Variants in FOXP2 observed in about 807,000 individuals in gnomAD.
The protein encoded by FOXP2 is forkhead box protein P2.
FOXP2 carries 12 observed loss-of-function variants against 115.8 expected under a neutral mutation model. That is an observed-to-expected ratio of 0.10 (90% confidence interval 0.07 to 0.17). The LOEUF is 0.17. Among genes scored for constraint, FOXP2 ranks in the 10% least tolerant of loss-of-function variants. FOXP2 has a pLI of 1.00. For missense variants in FOXP2, 629 were observed against 843.5 expected (o/e 0.75, Z 3.15); for synonymous variants, 328 against 297.7 (o/e 1.10, Z -1.05).
At chr7:114,463,003 T>C in intron 2 of FOXP2, 1 of 397,736 alleles carries the variant, frequency 2.5e-6, no homozygotes, top group Middle Eastern at 8.3e-4. Context: ...AGATGCAGTA[T>C]ATGCATTGTT....
At chr7:114,186,056 A>G (rs1042224205) in intron 1 of FOXP2, among the ~76,000 whole-genome samples, 1 of 151,902 alleles carries the variant, frequency 6.6e-6, no homozygotes, top group East Asian at 2.0e-4. Context: ...TGAGGGTGTA[A>G]CCCTCATGGC....
chr7:114,563,882 C>T (rs1485827754), intron 3 of FOXP2, among the ~76,000 whole-genome samples: 1 of 152,080 alleles, frequency 6.6e-6, no homozygotes, highest in Non-Finnish European at 1.5e-5. Context: ...CCTTTACTCT[C>T]TCACTCAGGT....
Position 114,690,444 on chromosome 7 carries a change from G to T in FOXP2, c.*518G>T, listed in dbSNP as rs1178466400. 4 of 453,748 alleles carry T rather than the reference G, an allele frequency of 8.8e-6. No homozygotes were observed. Among genetic ancestry groups the T allele is most frequent in the African/African-American group, 2.0e-5 (1 of 49,976 alleles). 28.1% of individuals were successfully genotyped at this position (453,748 alleles called of 1,614,324 possible). A position where few individuals can be genotyped will look rare whatever the true frequency, so the allele number is the denominator to read the frequency against. On this transcript the variant is annotated 3_prime_UTR_variant, in exon 17 of 17. Transcript: ENST00000350908. ...AGTAGTATCAGAAATTAGTGTCACT[G>T]CTTGTATCTAGCTGAATTTTAAACA... is the stretch of plus-strand genomic sequence containing the variant.
rs1370749002 is a variant in FOXP2, at chr7:114,692,834, T to TAA, written c.*2908_*2909insAA. On this transcript the variant is annotated 3_prime_UTR_variant, in exon 17 of 17. Transcript: ENST00000350908. ...TGGAATATACCTGTTTTATTTATCT[T>TAA]TTTTGAGGTAAACTAATTTTTGATA... 4.7e-5 allele frequency: 21 copies of TAA among 450,468 alleles called. No individual in the cohort carries two copies. Among genetic ancestry groups the TAA allele is most frequent in the African/African-American group, 4.0e-4 (20 of 49,774 alleles). The allele number at this position is 450,468 out of a possible 1,614,324, so 27.9% of individuals were successfully genotyped here. A position where few individuals can be genotyped will look rare whatever the true frequency, so the allele number is the denominator to read the frequency against.
At chr7:114,088,919 G>A (rs1215113514) in intron 1 of FOXP2, among the ~76,000 whole-genome samples, 5 of 152,144 alleles carry the variant, frequency 3.3e-5, no homozygotes, top group African/African-American at 1.2e-4. Context: ...TTTCATATCA[G>A]TTTTAGAGCT....
intron 3 of FOXP2, among the ~76,000 whole-genome samples, chr7:114,554,565 A>C (rs1800367260): frequency 1.3e-5 from 2 of 152,088 alleles, no homozygotes; most frequent in Non-Finnish European, 2.9e-5. Flanking sequence ...GTATGTGTAT[A>C]ATCATTATGA....
upstream of FOXP2, among the ~76,000 whole-genome samples, chr7:114,087,056 C>T (rs1254115173): frequency 2.0e-5 from 3 of 152,108 alleles, no homozygotes; most frequent in African/African-American, 7.2e-5. Context: ...CTCCCCGCAC[C>T]CCCACCCCCA....
intron 16 of FOXP2, among the ~76,000 whole-genome samples, chr7:114,689,109 CG>C (rs1471824435): frequency 6.6e-6 from 1 of 151,990 alleles, no homozygotes. Flanking sequence ...TCAGCATATA[CG>C]TTGTTTAAGT....
At chr7:114,228,257 A>G (rs566869594) in intron 1 of FOXP2, among the ~76,000 whole-genome samples, 20 of 152,092 alleles carry the variant, frequency 1.3e-4, no homozygotes, top group Middle Eastern at 6.8e-3. Context: ...CCTACTAGGA[A>G]TTTTTTGTGT....
intron 10 of FOXP2, chr7:114,656,360 T>C: frequency 5.5e-6 from 1 of 182,688 alleles, no homozygotes; most frequent in Non-Finnish European, 1.2e-5. Context: ...TCTTTTCATA[T>C]TTTTAACATA....
chr7:114,337,574 A>G (rs1268902123), intron 2 of FOXP2, among the ~76,000 whole-genome samples: 1 of 151,210 alleles, frequency 6.6e-6, no homozygotes, highest in Non-Finnish European at 1.5e-5. Context: ...ATAACCTCAC[A>G]TACAGTATTA....
At chr7:114,341,047 C>T (rs757592969) in intron 2 of FOXP2, among the ~76,000 whole-genome samples, 2 of 151,152 alleles carry the variant, frequency 1.3e-5, no homozygotes, top group Admixed American at 6.6e-5. Flanking sequence ...ATCTGCACTT[C>T]GTTTTAACTT....
upstream of FOXP2, among the ~76,000 whole-genome samples, chr7:114,411,942 G>C (rs1411205337): frequency 1.3e-5 from 2 of 152,108 alleles, no homozygotes; most frequent in African/African-American, 4.8e-5. Context: ...ATGTGTTTTT[G>C]AAATAGATTT....
intron 2 of FOXP2, among the ~76,000 whole-genome samples, chr7:114,342,448 T>C (rs1017615527): frequency 6.6e-6 from 1 of 151,416 alleles, no homozygotes; most frequent in Non-Finnish European, 1.5e-5. Flanking sequence ...CCTTTTCATA[T>C]TTTATCTTAT....
intron 2 of FOXP2, among the ~76,000 whole-genome samples, chr7:114,400,536 G>C (rs954346322): frequency 7.2e-5 from 11 of 152,228 alleles, no homozygotes; most frequent in Middle Eastern, 6.8e-3. Flanking sequence ...ATGGGTATAG[G>C]CAGCGGTCCC....
At chr7:114,470,920 C>G (rs1041434060) in intron 2 of FOXP2, among the ~76,000 whole-genome samples, 1 of 152,088 alleles carries the variant, frequency 6.6e-6, no homozygotes, top group Non-Finnish European at 1.5e-5. Context: ...CTTTTCCATG[C>G]TGTTCTATAA....
chr7:114,650,060 A>G (rs1806152849), intron 8 of FOXP2, among the ~76,000 whole-genome samples: 1 of 152,154 alleles, frequency 6.6e-6, no homozygotes, highest in Non-Finnish European at 1.5e-5. Flanking sequence ...AATTCAATCA[A>G]GACAAAACCT....
chr7:114,111,115 T>C (rs1791257369), intron 1 of FOXP2, among the ~76,000 whole-genome samples: 1 of 152,190 alleles, frequency 6.6e-6, no homozygotes, highest in African/African-American at 2.4e-5. Flanking sequence ...GCTGCATTAA[T>C]GCCTGCAATC....
intron 2 of FOXP2, among the ~76,000 whole-genome samples, chr7:114,480,677 A>G (rs1156464544): frequency 6.6e-6 from 1 of 150,662 alleles, no homozygotes; most frequent in African/African-American, 2.4e-5. Flanking sequence ...ATGTGTGTAC[A>G]TATATACATA....
Sources: gnomAD v4.1 joint callset for allele counts (sites outside exome capture counted in the v4.1 genomes callset) on GRCh38, gnomAD v4.1.1 for gene constraint, MANE v1.5 for transcripts, NCBI Gene and HGNC (gene_info 2026-07-23, HGNC 2026-07-21) for gene names.